DYNC1I1: variants seen among roughly 807,000 people sequenced by gnomAD.
DYNC1I1 encodes dynein cytoplasmic 1 intermediate chain 1.
A neutral mutation model predicts 86.6 loss-of-function variants in DYNC1I1; 43 were observed. The observed-to-expected ratio is 0.50, with a 90% CI of 0.39 to 0.64. DYNC1I1 has a LOEUF of 0.64. DYNC1I1 is among the 30% of genes least tolerant of loss of function. The probability of loss-of-function intolerance (pLI) is 0.00; values close to 1 mark genes in which losing one functional copy is unlikely to be tolerated. For synonymous variants in DYNC1I1, 262 were observed against 283.7 expected (o/e 0.92, Z 0.77); for missense variants, 604 against 788.8 (o/e 0.77, Z 2.81).
intron 14 of DYNC1I1, among the ~76,000 whole-genome samples, chr7:96,073,636 A>G (rs1314297196): frequency 2.6e-5 from 4 of 152,026 alleles, no homozygotes; most frequent in African/African-American, 7.2e-5. Context: ...CAGATATACT[A>G]TCAGCTGAGT....
intron 5 of DYNC1I1, among the ~76,000 whole-genome samples, chr7:95,846,423 GC>G (rs1347091096): frequency 1.3e-5 from 2 of 152,074 alleles, no homozygotes; most frequent in South Asian, 2.1e-4. Context: ...AAATGCTTTT[GC>G]TGCCAAACTA....
chr7:96,049,067 G>A (rs1029082363), intron 14 of DYNC1I1, among the ~76,000 whole-genome samples: 10 of 151,928 alleles, frequency 6.6e-5, no homozygotes, highest in African/African-American at 1.2e-4. Context: ...AGACCATCAC[G>A]GCTAACACGG....
intron 5 of DYNC1I1, among the ~76,000 whole-genome samples, chr7:95,839,920 T>G (rs1159012293): frequency 6.6e-6 from 1 of 152,130 alleles, no homozygotes; most frequent in East Asian, 1.9e-4. Context: ...CCTGCATGAT[T>G]TCTATTGAAA....
chr7:95,884,793 C>CA (rs201136452), intron 6 of DYNC1I1, among the ~76,000 whole-genome samples: 8,889 of 126,414 alleles, frequency 0.07, 285 homozygotes, highest in African/African-American at 0.089. Flanking sequence ...AAAAAAAAGA[C>CA]AAAAAAAAAA....
chr7:96,046,318 G>T (rs572245682), intron 14 of DYNC1I1, among the ~76,000 whole-genome samples: 1 of 152,310 alleles, frequency 6.6e-6, no homozygotes, highest in Admixed American at 6.5e-5. Flanking sequence ...TGATTTTAAG[G>T]AGTTTGCTTT....
chr7:95,921,194 C>T (rs969002156), intron 6 of DYNC1I1, among the ~76,000 whole-genome samples: 11 of 152,074 alleles, frequency 7.2e-5, no homozygotes, highest in South Asian at 2.1e-4. Flanking sequence ...GGTGAAAAAA[C>T]GACTTTTCCA....
chr7:96,008,249 A>G (rs975998713), intron 10 of DYNC1I1, among the ~76,000 whole-genome samples: 1 of 152,152 alleles, frequency 6.6e-6, no homozygotes, highest in African/African-American at 2.4e-5. Flanking sequence ...ATTCCCCGGA[A>G]AGAAAAAAGG....
chr7:96,023,302 A>G (rs1284093317), intron 10 of DYNC1I1, among the ~76,000 whole-genome samples: 1 of 152,158 alleles, frequency 6.6e-6, no homozygotes, highest in Non-Finnish European at 1.5e-5. Context: ...GATGCTTTTG[A>G]GAGCAGAACC....
intron 10 of DYNC1I1, among the ~76,000 whole-genome samples, chr7:95,997,915 A>G (rs192523775): frequency 3.9e-5 from 6 of 152,280 alleles, no homozygotes; most frequent in African/African-American, 9.6e-5. Context: ...CAAAATTGCT[A>G]TGATATTTAG....
intron 10 of DYNC1I1, among the ~76,000 whole-genome samples, chr7:96,024,501 A>G (rs765980716): frequency 6.6e-5 from 10 of 152,360 alleles, no homozygotes; most frequent in Non-Finnish European, 1.0e-4. Context: ...CTATAAAAAT[A>G]TCTATACACA....
At chr7:95,850,407 A>T (rs1562921470) in intron 5 of DYNC1I1, among the ~76,000 whole-genome samples, 1 of 152,096 alleles carries the variant, frequency 6.6e-6, no homozygotes, top group Non-Finnish European at 1.5e-5. Context: ...GAGGGTTTTT[A>T]TCATGAAAGG....
chr7:96,071,588 A>AT (rs1275575635), intron 14 of DYNC1I1, among the ~76,000 whole-genome samples: 1 of 152,000 alleles, frequency 6.6e-6, no homozygotes, highest in Non-Finnish European at 1.5e-5. Flanking sequence ...TTCTGACATC[A>AT]TTTTTTTCCA....
intron 14 of DYNC1I1, among the ~76,000 whole-genome samples, chr7:96,049,588 A>G (rs1789335115): frequency 6.6e-6 from 1 of 152,204 alleles, no homozygotes; most frequent in African/African-American, 2.4e-5. Flanking sequence ...TAATAGGATT[A>G]GTGATAGCCT....
At chr7:96,057,605 A>G (rs535373073) in intron 14 of DYNC1I1, among the ~76,000 whole-genome samples, 2 of 152,306 alleles carry the variant, frequency 1.3e-5, no homozygotes, top group Admixed American at 6.5e-5. Context: ...ATTTTAATCA[A>G]TGCCAGAAAA....
chr7:96,029,967 G>A (rs954321858), intron 11 of DYNC1I1, among the ~76,000 whole-genome samples: 4 of 150,808 alleles, frequency 2.7e-5, no homozygotes, highest in Admixed American at 1.3e-4. Context: ...TCCACTTTTC[G>A]CTTTTGCTGT....
At chr7:96,081,091 A>G (rs1018865306) in intron 16 of DYNC1I1, among the ~76,000 whole-genome samples, 1 of 151,608 alleles carries the variant, frequency 6.6e-6, no homozygotes, top group Non-Finnish European at 1.5e-5. Context: ...AAAGAAAAGA[A>G]AAGAAAAGTT....
chr7:95,902,142 CTG>C (rs1443978995), intron 6 of DYNC1I1, among the ~76,000 whole-genome samples: 1 of 152,196 alleles, frequency 6.6e-6, no homozygotes, highest in Non-Finnish European at 1.5e-5. Flanking sequence ...ATTCAAGAGG[CTG>C]TCTTTTTCCT....
At chr7:96,031,290 C>T (rs1445268440) in intron 11 of DYNC1I1, among the ~76,000 whole-genome samples, 1 of 151,966 alleles carries the variant, frequency 6.6e-6, no homozygotes, top group Non-Finnish European at 1.5e-5. Flanking sequence ...AAACCAGGTA[C>T]CCAAGGAACA....
intron 14 of DYNC1I1, among the ~76,000 whole-genome samples, chr7:96,057,447 C>T (rs963584974): frequency 1.3e-5 from 2 of 152,132 alleles, no homozygotes; most frequent in African/African-American, 4.8e-5. Context: ...AGAATTTGGT[C>T]TGTTAAATAA....
Sources: gnomAD v4.1 joint callset for allele counts (sites outside exome capture counted in the v4.1 genomes callset) on GRCh38, gnomAD v4.1.1 for gene constraint, MANE v1.5 for transcripts, NCBI Gene and HGNC (gene_info 2026-07-23, HGNC 2026-07-21) for gene names.